Variants in ACSM5 observed in about 807,000 individuals in gnomAD.
The protein encoded by ACSM5 is acyl-coenzyme A synthetase ACSM5, mitochondrial.
In ACSM5, 56 loss-of-function variants were observed where a neutral mutation model predicts 71.6. The ratio of observed to expected loss-of-function variants is 0.78; its 90% CI spans 0.63 to 0.98. ACSM5 has a LOEUF of 0.98. ACSM5 is among the 50% of genes least tolerant of loss of function. The probability of loss-of-function intolerance (pLI) is 0.00; values close to 1 mark genes in which losing one functional copy is unlikely to be tolerated. For synonymous variants in ACSM5, 285 were observed against 281.5 expected (o/e 1.01, Z -0.12); for missense variants, 723 against 726.0 (o/e 1.00, Z 0.05).
At chr16:20,428,058 A>T (rs933832233) in intron 7 of ACSM5, among the ~76,000 whole-genome samples, 191 bp downstream of exon 7, 11 of 152,176 alleles carry the variant, frequency 7.2e-5, no homozygotes, top group African/African-American at 2.4e-4. Context: ...ACAAGTCAAC[A>T]TACCTGTAAA....
At position 20,429,712 on chromosome 16, in the gene ACSM5, G is replaced by C; in HGVS notation, c.1036G>C (p.Gly346Arg). 6.2e-7 allele frequency: 1 copy of C among 1,613,800 alleles called. No homozygotes were observed. The highest frequency in any genetic ancestry group is 2.2e-5 in the East Asian group (1 of 44,826). ...QFQSLRHCLTGGEALNPDVRE... is the reference protein window; with the variant it reads ...QFQSLRHCLTRGEALNPDVRE... ...TCAGAGCCTGAGGCACTGTCTGACC[G>C]GAGGAGAGGCCCTCAACCCTGACGT... The change falls in exon 8 of 14, where the codon GGA (glycine) becomes CGA (arginine). Residue 346 changes from glycine to arginine, a missense_variant. Coordinates refer to ENST00000331849, the MANE Select transcript of ACSM5 (RefSeq NM_017888.3).
intron 10 of ACSM5, among the ~76,000 whole-genome samples, 196 bp from the exon 11 acceptor site, chr16:20,436,856 T>A (rs893103481): frequency 3.3e-5 from 5 of 152,028 alleles, no homozygotes; most frequent in Admixed American, 3.3e-4. Flanking sequence ...TTGATTCCAA[T>A]CAAAAGAGGG....
chr16:20,420,313 C>G (rs1020856251), intron 4 of ACSM5, among the ~76,000 whole-genome samples: 7 of 152,092 alleles, frequency 4.6e-5, no homozygotes, highest in African/African-American at 1.7e-4. Flanking sequence ...AAAAATCAGC[C>G]CATAGGGCCA....
Position 20,441,199 on chromosome 16 carries a change from G to C in ACSM5, c.*772G>C, listed in dbSNP as rs1355182991. ...ACTGTGGTTAATTGTAATCCTCCTG[G>C]AGATTGAGGAGGGAGGGAGAGAAAA... On this transcript the variant is annotated 3_prime_UTR_variant, in exon 14 of 14. Coordinates refer to ENST00000331849, the MANE Select transcript of ACSM5 (RefSeq NM_017888.3). 1 of 152,174 alleles carries C rather than the reference G, an allele frequency of 6.6e-6. No individual in the cohort carries two copies. Among genetic ancestry groups the C allele is most frequent in the African/African-American group, 2.4e-5 (1 of 41,450 alleles). The allele number at this position is 152,174 out of a possible 1,614,324, so 9.4% of individuals were successfully genotyped here. A position where few individuals can be genotyped will look rare whatever the true frequency, so the allele number is the denominator to read the frequency against.
chr16:20,413,913 A>G (rs978810881), intron 2 of ACSM5, among the ~76,000 whole-genome samples: 14 of 152,292 alleles, frequency 9.2e-5, no homozygotes, highest in East Asian at 3.9e-4. Flanking sequence ...TAAGATGACT[A>G]CTAAGCTAAC....
chr16:20,420,743 C>T (rs1467998771), intron 4 of ACSM5, among the ~76,000 whole-genome samples: 1 of 152,062 alleles, frequency 6.6e-6, no homozygotes, highest in Admixed American at 6.6e-5. Flanking sequence ...TTATTTTGTT[C>T]AGGGTGGATA....
rs754656439 is a variant in ACSM5, at chr16:20,431,271, G to C, written c.1258G>C (p.Ala420Pro). The C allele has an allele frequency of 6.2e-7, 1 of 1,614,170 alleles. No homozygotes were observed. Among genetic ancestry groups the C allele is most frequent in the East Asian group, 2.2e-5 (1 of 44,878 alleles). ...VLPPGEEGNV[A>P]VRIRPTRPFC... ...GCCTCCTGGAGAAGAGGGGAATGTTGCCGTCCGTATCAGACCCACTCGGCC... is the reference window on the plus strand; with the variant it reads ...GCCTCCTGGAGAAGAGGGGAATGTTCCCGTCCGTATCAGACCCACTCGGCC... Residue 420 changes from alanine to proline, a missense_variant, in exon 10 of 14, where the codon GCC becomes CCC. Ala to Pro is a conservative substitution (Grantham distance 27). Coordinates refer to ENST00000331849, the MANE Select transcript of ACSM5 (RefSeq NM_017888.3).
rs1405202690 is a variant in ACSM5 at position 20,418,338 on chromosome 16, A to G, written c.415+69A>G. ...CTTGCCAGAGCTTTGCAGTGTCCACAGGGTCTTGAAGATGGAGCAAAAATA... is the reference window on the plus strand; with the variant it reads ...CTTGCCAGAGCTTTGCAGTGTCCACGGGGTCTTGAAGATGGAGCAAAAATA... On this transcript the variant is annotated intron_variant, in intron 3 of 13. Transcript: ENST00000331849. 7 of 1,444,666 alleles carry G rather than the reference A, an allele frequency of 4.8e-6. 1 individual carries two copies. The East Asian group carries it at 1.7e-4, about 35-fold the overall frequency. The allele number at this position is 1,444,666 out of a possible 1,614,324, so 89.5% of individuals were successfully genotyped here. A position where few individuals can be genotyped will look rare whatever the true frequency, so the allele number is the denominator to read the frequency against.
intron 4 of ACSM5, chr16:20,419,745 G>A (rs1156556658): frequency 2.4e-6 from 1 of 409,672 alleles, no homozygotes. Flanking sequence ...CATAGCAGGT[G>A]GTCAGTTAAT....
At chr16:20,419,575 G>A in intron 4 of ACSM5, 140 bp downstream of exon 4, 1 of 777,368 alleles carries the variant, frequency 1.3e-6, no homozygotes, top group African/African-American at 1.7e-5. Context: ...GCTGACCTGA[G>A]CATAATCCTG....
chr16:20,438,303 G>A (rs112060826), intron 12 of ACSM5, among the ~76,000 whole-genome samples: 6 of 151,942 alleles, frequency 3.9e-5, no homozygotes, highest in African/African-American at 1.4e-4. Context: ...AAGACCACAG[G>A]AGAGATTCTC....
At chr16:20,425,471 G>A (rs1165169504) in intron 6 of ACSM5, among the ~76,000 whole-genome samples, 11 of 152,110 alleles carry the variant, frequency 7.2e-5, no homozygotes, top group Non-Finnish European at 1.5e-4. Flanking sequence ...AACAGGTGGT[G>A]TTTGATTACA....
Position 20,429,476 on chromosome 16 carries a change from A to G in ACSM5, c.1002-202A>G, listed in dbSNP as rs143239536. 1.2e-4 allele frequency among the ~76,000 whole-genome samples: 18 copies of G among 152,318 alleles called. No individual in the cohort carries two copies. The East Asian group carries it at 3.5e-3, about 29-fold the overall frequency. The stretch of plus-strand genomic sequence containing the variant: ...GAGCTTCTGATTTTATCTCAAACTC[A>G]GATAGGATGGATCTTTTAAAAATTA... On this transcript the variant is annotated intron_variant, in intron 7 of 13. Coordinates refer to ENST00000331849, the MANE Select transcript of ACSM5 (RefSeq NM_017888.3).
chr16:20,432,263 T>C (rs780117364), intron 10 of ACSM5, among the ~76,000 whole-genome samples: 4 of 152,144 alleles, frequency 2.6e-5, no homozygotes, highest in Non-Finnish European at 5.9e-5. Flanking sequence ...AAATCAACAT[T>C]TCTGTTGGTG....
At chr16:20,427,761 C>T (rs745860630) in intron 6 of ACSM5, 27 bp from the exon 7 acceptor site, 4 of 1,506,948 alleles carry the variant, frequency 2.7e-6, no homozygotes, top group African/African-American at 2.8e-5. Flanking sequence ...ATTCTAAGGA[C>T]ATCTTTCACC....
At chr16:20,421,807 ATTTAC>A (rs1966887696) in intron 5 of ACSM5, among the ~76,000 whole-genome samples, 1 of 151,628 alleles carries the variant, frequency 6.6e-6, no homozygotes, top group African/African-American at 2.4e-5. Context: ...CATTTCCAGA[ATTTAC>A]TTTATCTTTC....
chr16:20,437,425 G>A, intron 12 of ACSM5, 58 bp downstream of exon 12: 1 of 1,268,564 alleles, frequency 7.9e-7, no homozygotes, highest in Non-Finnish European at 1.1e-6. Flanking sequence ...GCACCCAGCA[G>A]AACAAGCAGG....
chr16:20,431,690 T>C (rs12925133), intron 10 of ACSM5, among the ~76,000 whole-genome samples: 13,101 of 151,886 alleles, frequency 0.086, 696 homozygotes, highest in East Asian at 0.19. Flanking sequence ...GTGGCTCACA[T>C]CTGTAATCTC....
At position 20,429,777 on chromosome 16, in the gene ACSM5, C is replaced by T. The variant is rs369835056; in HGVS notation, c.1101C>T (p.Tyr367=). 2.9e-5 allele frequency: 47 copies of T among 1,612,338 alleles called. No homozygotes were observed. Among genetic ancestry groups the T allele is most frequent in the African/African-American group, 1.9e-4 (14 of 74,878 alleles). The change falls in exon 8 of 14, where the codon TAC becomes TAT. Residue 367 remains tyrosine (Y), a synonymous_variant. Coordinates refer to ENST00000331849, the MANE Select transcript of ACSM5 (RefSeq NM_017888.3). ...AACACCAGACTGGTGTGGAGCTGTA[C>T]GAAGGCTATGGCCAGTCTGAAACGG... ...KWKHQTGVEL[Y]EGYGQSETVV...
Sources: allele counts gnomAD v4.1 joint callset (sites outside exome capture counted in the v4.1 genomes callset), GRCh38; gene constraint gnomAD v4.1.1; transcripts MANE v1.5; gene names NCBI Gene and HGNC (gene_info 2026-07-23, HGNC 2026-07-21).